Variants in PELI2 observed in about 807,000 individuals in gnomAD.
PELI2 encodes the protein pellino E3 ubiquitin protein ligase family member 2.
Under a neutral mutation model 42.3 loss-of-function variants are expected in PELI2, and 23 were observed. The observed-to-expected ratio is 0.54, with a 90% CI of 0.39 to 0.77. The LOEUF (loss-of-function observed/expected upper bound fraction) is 0.77, where lower values mean the gene tolerates loss of function less well. Ranked by LOEUF, PELI2 falls within the 30% of genes least tolerant of loss-of-function variation. PELI2 has a pLI of 0.00. For synonymous variants in PELI2, 245 were observed against 212.2 expected (o/e 1.15, Z -1.34); for missense variants, 463 against 553.2 (o/e 0.84, Z 1.64).
chr14:56,174,581 C>A (rs975058657), intron 1 of PELI2, among the ~76,000 whole-genome samples: 3 of 152,244 alleles, frequency 2.0e-5, no homozygotes, highest in African/African-American at 7.2e-5. Context: ...CCTTGCTGTT[C>A]TCGTGATAGT....
chr14:56,293,168 T>C (rs1330055015), intron 5 of PELI2, among the ~76,000 whole-genome samples: 1 of 152,184 alleles, frequency 6.6e-6, no homozygotes, highest in Non-Finnish European at 1.5e-5. Flanking sequence ...AGTCACTTGC[T>C]AATAAGAAGT....
At chr14:56,210,259 G>A (rs578150582) in intron 2 of PELI2, among the ~76,000 whole-genome samples, 6 of 152,178 alleles carry the variant, frequency 3.9e-5, no homozygotes, top group Non-Finnish European at 5.9e-5. Context: ...AGTGGATACC[G>A]TCTGCAATTG....
intron 2 of PELI2, among the ~76,000 whole-genome samples, chr14:56,227,388 T>A (rs1887394317): frequency 6.6e-6 from 1 of 152,172 alleles, no homozygotes; most frequent in South Asian, 2.1e-4. Flanking sequence ...GTTAGTTACA[T>A]ACAGGAAAAT....
intron 1 of PELI2, among the ~76,000 whole-genome samples, chr14:56,135,991 C>T (rs1302113712): frequency 6.6e-6 from 1 of 152,066 alleles, no homozygotes; most frequent in African/African-American, 2.4e-5. Context: ...AGGCTTACCT[C>T]GTTGATCTTT....
At chr14:56,196,804 A>G (rs1279427633) in intron 2 of PELI2, among the ~76,000 whole-genome samples, 1 of 152,036 alleles carries the variant, frequency 6.6e-6, no homozygotes, top group Non-Finnish European at 1.5e-5. Context: ...CTGTTTTTTA[A>G]TTTGTAGAAT....
intron 2 of PELI2, among the ~76,000 whole-genome samples, chr14:56,214,665 C>T (rs917710293): frequency 1.3e-5 from 2 of 152,130 alleles, no homozygotes; most frequent in Non-Finnish European, 2.9e-5. Context: ...GCCCAGCAAC[C>T]TCTAGAGTTT....
At chr14:56,287,093 C>T (rs1889669773) in intron 3 of PELI2, among the ~76,000 whole-genome samples, 1 of 152,140 alleles carries the variant, frequency 6.6e-6, no homozygotes, top group East Asian at 1.9e-4. Flanking sequence ...GTGGTTTTGG[C>T]TTTGAACTTA....
intron 1 of PELI2, among the ~76,000 whole-genome samples, chr14:56,135,357 T>C (rs531735957): frequency 4.0e-4 from 61 of 152,360 alleles, no homozygotes; most frequent in Non-Finnish European, 7.1e-4. Flanking sequence ...GACTGTCTTA[T>C]GGTGAGTATC....
At chr14:56,268,293 A>G (rs944188178) in intron 2 of PELI2, among the ~76,000 whole-genome samples, 7 of 152,170 alleles carry the variant, frequency 4.6e-5, no homozygotes, top group African/African-American at 1.7e-4. Context: ...ACTTGTTCAA[A>G]GTTTTGCTTC....
At chr14:56,123,239 C>T (rs1372086716) in intron 1 of PELI2, among the ~76,000 whole-genome samples, 3 of 151,596 alleles carry the variant, frequency 2.0e-5, no homozygotes, top group African/African-American at 7.3e-5. Context: ...GCTGTAACCT[C>T]AGCACTTTGC....
chr14:56,156,700 TA>T (rs1178214971), intron 1 of PELI2, among the ~76,000 whole-genome samples: 7 of 152,262 alleles, frequency 4.6e-5, no homozygotes, highest in Non-Finnish European at 1.0e-4. Context: ...GAAGTATGGC[TA>T]GTATGGAGAG....
intron 1 of PELI2, among the ~76,000 whole-genome samples, chr14:56,161,188 C>T (rs745547338): frequency 4.7e-4 from 71 of 152,196 alleles, no homozygotes; most frequent in Non-Finnish European, 8.7e-4. Context: ...ATCAGAGTAG[C>T]ATCCCAATTC....
intron 2 of PELI2, among the ~76,000 whole-genome samples, chr14:56,236,212 T>C (rs1054628605): frequency 6.6e-6 from 1 of 152,188 alleles, no homozygotes; most frequent in African/African-American, 2.4e-5. Context: ...ATACTTGGAG[T>C]TGATTTAAAG....
At chr14:56,230,638 G>T (rs1887526036) in intron 2 of PELI2, among the ~76,000 whole-genome samples, 1 of 152,158 alleles carries the variant, frequency 6.6e-6, no homozygotes, top group Non-Finnish European at 1.5e-5. Flanking sequence ...ACCAGCCACT[G>T]CAAAAACATG....
At chr14:56,261,024 G>A (rs1267070241) in intron 2 of PELI2, among the ~76,000 whole-genome samples, 1 of 151,832 alleles carries the variant, frequency 6.6e-6, no homozygotes, top group Non-Finnish European at 1.5e-5. Context: ...AGTATGTGGA[G>A]GGATTGAGGT....
intron 1 of PELI2, among the ~76,000 whole-genome samples, chr14:56,141,804 T>TA (rs1227715851): frequency 1.3e-5 from 2 of 152,186 alleles, no homozygotes; most frequent in Non-Finnish European, 2.9e-5. Flanking sequence ...TGGGGTTTAT[T>TA]ACGGTTCAAG....
At chr14:56,183,426 G>C (rs1365709455) in intron 2 of PELI2, among the ~76,000 whole-genome samples, 2 of 151,946 alleles carry the variant, frequency 1.3e-5, no homozygotes, top group East Asian at 1.9e-4. Flanking sequence ...TGAGAGTTTT[G>C]ACAAGGCAAA....
In PELI2 at chr14:56,273,315, CA is replaced by C. The variant is rs1300730352; in HGVS notation, c.208-6358del. Reference sequence around the variant, plus strand: ...CCACAGCTGGGAACCCCCAGAGCGGCAAATGGAAGCTGCAAGCCTTTCCTGA... The same window carrying C: ...CCACAGCTGGGAACCCCCAGAGCGGCAATGGAAGCTGCAAGCCTTTCCTGA... On this transcript the variant is annotated intron_variant, in intron 2 of 5. Transcript: ENST00000267460. The surrounding 1 kb of genome is among the most constrained non-coding windows in gnomAD (Gnocchi z 4.3). 1.3e-5 allele frequency among the ~76,000 whole-genome samples: 2 copies of C among 152,186 alleles called. No individual in the cohort carries two copies. The highest frequency in any genetic ancestry group is 2.9e-5 in the Non-Finnish European group (2 of 68,042).
At chr14:56,254,940 C>A (rs1272797213) in intron 2 of PELI2, among the ~76,000 whole-genome samples, 1 of 152,156 alleles carries the variant, frequency 6.6e-6, no homozygotes, top group Admixed American at 6.5e-5. Flanking sequence ...AATGAGATAC[C>A]ATCTCACACC....
Sources: allele counts gnomAD v4.1 joint callset (sites outside exome capture counted in the v4.1 genomes callset), GRCh38; gene constraint gnomAD v4.1.1; non-coding constraint Gnocchi (gnomAD v3.1); transcripts MANE v1.5; gene names NCBI Gene and HGNC (gene_info 2026-07-23, HGNC 2026-07-21).